ADAMTSL1: variants seen among roughly 807,000 people sequenced by gnomAD.
ADAMTSL1 encodes the protein ADAMTS-like protein 1.
Under a neutral mutation model 201.8 loss-of-function variants are expected in ADAMTSL1, and 126 were observed. That is an observed-to-expected ratio of 0.62 (90% CI 0.54 to 0.72). The LOEUF (loss-of-function observed/expected upper bound fraction) is 0.72, where lower values mean the gene tolerates loss of function less well. Ranked by LOEUF, ADAMTSL1 falls within the 30% of genes least tolerant of loss-of-function variation. The pLI is 0.00. For synonymous variants in ADAMTSL1, 1,121 were observed against 903.4 expected (o/e 1.24, Z -4.32); for missense variants, 2,679 against 2,277.8 (o/e 1.18, Z -3.59).
intron 2 of ADAMTSL1, among the ~76,000 whole-genome samples, chr9:18,282,316 A>G (rs1002792276): frequency 9.2e-5 from 14 of 152,186 alleles, no homozygotes; most frequent in African/African-American, 3.4e-4. Context: ...TCAACTATCG[A>G]TAGACAATTA....
At chr9:18,270,084 C>T (rs1376545766) in intron 2 of ADAMTSL1, among the ~76,000 whole-genome samples, 1 of 152,022 alleles carries the variant, frequency 6.6e-6, no homozygotes, top group Non-Finnish European at 1.5e-5. Flanking sequence ...GATTGGGGAG[C>T]TTCTAAATAA....
At chr9:18,559,480 G>A (rs948711923) in intron 3 of ADAMTSL1, among the ~76,000 whole-genome samples, 2 of 152,042 alleles carry the variant, frequency 1.3e-5, no homozygotes, top group Admixed American at 1.3e-4. Context: ...GAATTTTCTT[G>A]GCTATATGAG....
At chr9:18,315,626 C>T (rs1205417032) in intron 2 of ADAMTSL1, among the ~76,000 whole-genome samples, 2 of 152,132 alleles carry the variant, frequency 1.3e-5, no homozygotes, top group African/African-American at 2.4e-5. Flanking sequence ...GCTCTGAGTG[C>T]GGGGCCCACC....
chr9:18,476,462 T>C (rs75242761), intron 1 of ADAMTSL1, among the ~76,000 whole-genome samples: 1,838 of 152,288 alleles, frequency 0.012, 33 homozygotes, highest in African/African-American at 0.042. Flanking sequence ...CTGCATCATC[T>C]TGATCATTAA....
Position 18,719,682 on chromosome 9 carries a change from A to T in ADAMTSL1, c.1877-1854A>T, listed in dbSNP as rs1002061059. On this transcript the variant is annotated intron_variant, in intron 14 of 28. Coordinates refer to ENST00000380548, the MANE Select transcript of ADAMTSL1 (RefSeq NM_001040272.6). ...CCTGGCTTTGTGGTTCTTTTTTTTAAAAAATGTTTAATTTCTCAGACTTAC... is the reference window on the plus strand; with the variant it reads ...CCTGGCTTTGTGGTTCTTTTTTTTATAAAATGTTTAATTTCTCAGACTTAC... Among the ~76,000 whole-genome samples, 26 of 152,130 alleles carry T rather than the reference A, an allele frequency of 1.7e-4. 1 individual carries two copies. In the Middle Eastern group the frequency reaches 0.017, roughly 100 times the overall value.
intron 2 of ADAMTSL1, among the ~76,000 whole-genome samples, chr9:18,401,721 TA>T (rs1460426243): frequency 1.3e-5 from 2 of 152,184 alleles, no homozygotes; most frequent in African/African-American, 4.8e-5. Flanking sequence ...CAAATATTAA[TA>T]ACTCTCATAT....
intron 23 of ADAMTSL1, among the ~76,000 whole-genome samples, chr9:18,869,222 G>T (rs1245205517): frequency 6.6e-6 from 1 of 152,174 alleles, no homozygotes; most frequent in Non-Finnish European, 1.5e-5. Context: ...AGCCAACCTT[G>T]CCAGCACTTT....
intron 2 of ADAMTSL1, among the ~76,000 whole-genome samples, chr9:18,524,592 CTT>C (rs1291174376): frequency 1.3e-5 from 2 of 152,206 alleles, no homozygotes; most frequent in East Asian, 3.9e-4. Context: ...ATAAATAACT[CTT>C]ATTATTTTGA....
chr9:18,502,177 T>A (rs985613624), intron 1 of ADAMTSL1, among the ~76,000 whole-genome samples: 4 of 152,252 alleles, frequency 2.6e-5, no homozygotes, highest in Non-Finnish European at 4.4e-5. Flanking sequence ...TCTTTAGTTT[T>A]GTTTTGTTTT....
At chr9:18,180,203 A>G (rs1031638254) in intron 2 of ADAMTSL1, among the ~76,000 whole-genome samples, 4 of 152,118 alleles carry the variant, frequency 2.6e-5, no homozygotes, top group African/African-American at 9.7e-5. Context: ...AATGGAAAAC[A>G]AAAAAAGGCA....
chr9:18,657,755 T>C lies in ADAMTSL1; in HGVS notation c.946+5T>C, dbSNP rs1383851722. ...GCTCAGCAACCTGTGGAGGAGGTAATGGTGTTCACTTAGTCTAAAAACTGT... is the reference window on the plus strand; with the variant it reads ...GCTCAGCAACCTGTGGAGGAGGTAACGGTGTTCACTTAGTCTAAAAACTGT... On this transcript the variant is annotated splice_donor_5th_base_variant and intron_variant, in intron 8 of 28. Transcript: ENST00000380548. 6.2e-7 allele frequency: 1 copy of C among 1,607,022 alleles called. No individual in the cohort carries two copies. Among genetic ancestry groups the C allele is most frequent in the Non-Finnish European group, 8.5e-7 (1 of 1,173,636 alleles).
In ADAMTSL1 at chr9:18,404,869, C is replaced by T. The variant is rs185618345; in HGVS notation, c.208-99960C>T. On this transcript the variant is annotated intron_variant, in intron 2 of 29. Transcript: ENST00000680146. The stretch of plus-strand genomic sequence containing the variant: ...ATTACTCACCCTTTTATTCCACTTC[C>T]CCTTTTTCCAGGTTGTATCTTGTTG... Among the ~76,000 whole-genome samples, 51 of 152,252 alleles carry T rather than the reference C, an allele frequency of 3.3e-4. 1 individual carries two copies. Among genetic ancestry groups the T allele is most frequent in the East Asian group, 3.1e-3 (16 of 5,166 alleles).
At chr9:18,477,622 T>G (rs900136832) in intron 1 of ADAMTSL1, among the ~76,000 whole-genome samples, 2 of 152,254 alleles carry the variant, frequency 1.3e-5, no homozygotes, top group African/African-American at 4.8e-5. Flanking sequence ...TTGTTCACTC[T>G]ACACAGATTT....
chr9:18,884,933 G>A (rs1428424750), intron 23 of ADAMTSL1, among the ~76,000 whole-genome samples: 1 of 152,110 alleles, frequency 6.6e-6, no homozygotes, highest in Non-Finnish European at 1.5e-5. Context: ...ATATATCATT[G>A]GGATTTGATG....
chr9:18,369,451 G>A (rs534244953), intron 2 of ADAMTSL1, among the ~76,000 whole-genome samples: 8 of 152,236 alleles, frequency 5.3e-5, no homozygotes, highest in South Asian at 2.1e-4. Flanking sequence ...TCAGTCAGAA[G>A]GGCTGTTATT....
intron 16 of ADAMTSL1, among the ~76,000 whole-genome samples, chr9:18,769,672 G>A (rs1378031856): frequency 1.3e-5 from 2 of 152,196 alleles, no homozygotes; most frequent in Non-Finnish European, 2.9e-5. Context: ...AGGAGAAAGA[G>A]AAGGGAAGAG....
At chr9:18,618,528 G>GA (rs71333051) in intron 4 of ADAMTSL1, among the ~76,000 whole-genome samples, 19,931 of 126,960 alleles carry the variant, frequency 0.16, 1,662 homozygotes, top group African/African-American at 0.27. Flanking sequence ...GGGTATACAT[G>GA]AAAAAAAAAA....
chr9:18,604,241 C>T (rs1339824884), intron 4 of ADAMTSL1, among the ~76,000 whole-genome samples: 1 of 152,188 alleles, frequency 6.6e-6, no homozygotes, highest in Non-Finnish European at 1.5e-5. Flanking sequence ...TGGAACGTGC[C>T]TGTGAGCATG....
At chr9:18,790,314 G>T (rs1246578527) in intron 19 of ADAMTSL1, among the ~76,000 whole-genome samples, 2 of 152,054 alleles carry the variant, frequency 1.3e-5, no homozygotes, top group African/African-American at 4.8e-5. Context: ...CGAGTCTCTT[G>T]GTTCCAATTT....
Sources: allele counts gnomAD v4.1 joint callset (sites outside exome capture counted in the v4.1 genomes callset), GRCh38; gene constraint gnomAD v4.1.1; transcripts MANE v1.5; gene names NCBI Gene and HGNC (gene_info 2026-07-23, HGNC 2026-07-21).